Variants in SLC15A1 observed in about 807,000 individuals in gnomAD.
SLC15A1 encodes the protein Caco-2 oligopeptide transporter.
In SLC15A1, 83 loss-of-function variants were observed where a neutral mutation model predicts 92.9. The ratio of observed to expected loss-of-function variants is 0.89; its 90% CI spans 0.75 to 1.07. SLC15A1 has a LOEUF of 1.07. Ranked by LOEUF, SLC15A1 falls within the 50% of genes least tolerant of loss-of-function variation. The pLI is 0.00. For synonymous variants in SLC15A1, 322 were observed against 318.2 expected, an observed-to-expected ratio of 1.01 and a Z score of -0.13; for missense variants, 857 against 880.1, an observed-to-expected ratio of 0.97 and a Z score of 0.33.
intron 5 of SLC15A1, 105 bp downstream of exon 5, chr13:98,723,807 C>A: frequency 2.0e-6 from 3 of 1,514,398 alleles, no homozygotes; most frequent in Non-Finnish European, 2.7e-6. Context: ...GGAGGAAAAA[C>A]CTCCTTATGC....
In SLC15A1 at chr13:98,704,326, T is replaced by G; in HGVS notation, c.1379A>C (p.His460Pro). Residue 460 changes from histidine to proline, a missense_variant, in exon 17 of 23, where the codon CAC becomes CCC. Transcript: ENST00000376503. Reference sequence around the variant, plus strand: ...ATTGGGGGCCCACACTAGAAGCGTGTGGCGTTGGCCCTGCTTGAAGTCGTC... The same window carrying G: ...ATTGGGGGCCCACACTAGAAGCGTGGGGCGTTGGCCCTGCTTGAAGTCGTC... Reference protein sequence around the residue: ...VTDDFKQGQRHTLLVWAPNHY... With the variant: ...VTDDFKQGQRPTLLVWAPNHY... The G allele has an allele frequency of 6.2e-7, 1 of 1,613,624 alleles. No homozygotes were observed. Among genetic ancestry groups the G allele is most frequent in the Non-Finnish European group, 8.5e-7 (1 of 1,179,736 alleles).
chr13:98,709,784 G>A lies in SLC15A1; in HGVS notation c.946-10C>T, dbSNP rs760784284. The A allele has an allele frequency of 6.2e-7, 1 of 1,614,044 alleles. No homozygotes were observed. Among genetic ancestry groups the A allele is most frequent in the Non-Finnish European group, 8.5e-7 (1 of 1,180,026 alleles). On this transcript the variant is annotated splice_polypyrimidine_tract_variant and intron_variant, in intron 12 of 22. Transcript: ENST00000376503. ...GAATTTCAAGAGCTCCCTAAAAAGAGAGGAAAACAATCTCAGTGAAAAATG... is the reference window on the plus strand; with the variant it reads ...GAATTTCAAGAGCTCCCTAAAAAGAAAGGAAAACAATCTCAGTGAAAAATG...
chr13:98,684,807 A>G lies in SLC15A1; in HGVS notation c.2044T>C (p.Phe682Leu). Residue 682 changes from phenylalanine (F) to leucine (L), a missense_variant, in exon 23 of 23, where the codon TTT becomes CTT. By Grantham distance (22) the Phe-to-Leu change is conservative. Coordinates refer to ENST00000376503, the MANE Select transcript of SLC15A1 (RefSeq NM_005073.4). ...YINPAEIEAQ[F>L]DEDEKKNRLE... is the part of the protein sequence containing the mutation. ...CTGTTTTTCTTTTCATCCTCATCAA[A>G]TTGAGCTTCGATCTCCGCTGGGTTG... The G allele has an allele frequency of 1.2e-6, 2 of 1,614,086 alleles. No individual in the cohort carries two copies. Among genetic ancestry groups the G allele is most frequent in the South Asian group, 2.2e-5 (2 of 91,082 alleles).
At chr13:98,707,862 C>A (rs1260012422) in intron 15 of SLC15A1, among the ~76,000 whole-genome samples, 1 of 130,442 alleles carries the variant, frequency 7.7e-6, no homozygotes, top group Non-Finnish European at 1.5e-5. Context: ...TGCACTCCAG[C>A]AGCCTAGGCG....
At chr13:98,721,402 G>T in intron 7 of SLC15A1, 93 bp downstream of exon 7, 1 of 871,716 alleles carries the variant, frequency 1.1e-6, no homozygotes, top group Non-Finnish European at 1.9e-6. Context: ...CTAGAAAACA[G>T]GGCAGAAGGG....
Position 98,684,874 on chromosome 13 carries a change from G to C in SLC15A1, c.1977C>G (p.Val659=), listed in dbSNP as rs2087918430. The C allele has an allele frequency of 1.9e-6, 3 of 1,614,080 alleles. No individual in the cohort carries two copies. The East Asian group carries it at 6.7e-5, about 36-fold the overall frequency. ...GAGCCATGATGGCAAAAATTACACA[G>C]ACGACCAGAAGCAACGCGGCAAATA... ...YILFAALLLV[V]CVIFAIMARF... Residue 659 remains valine (V), a synonymous_variant, in exon 23 of 23, where the codon GTC becomes GTG. Transcript: ENST00000376503.
At chr13:98,715,323 C>T (rs555550507) in intron 9 of SLC15A1, among the ~76,000 whole-genome samples, 9 of 152,268 alleles carry the variant, frequency 5.9e-5, no homozygotes, top group East Asian at 3.9e-4. Context: ...TACAGGCACC[C>T]GCCACCATGC....
chr13:98,712,563 T>C lies in SLC15A1; in HGVS notation c.745A>G (p.Arg249Gly), dbSNP rs1238571750. 9.3e-6 allele frequency: 15 copies of C among 1,607,918 alleles called. No homozygotes were observed. Among genetic ancestry groups the C allele is most frequent in the Admixed American group, 1.7e-5 (1 of 58,766 alleles). ...TTGGGAAATGCCTTACTCCGATGCC[T>C]AAATCTATTTTTGATGGCAAACTGA... ...CIGFAIKNRF[R>G]HRSKAFPKRE... is the part of the protein sequence containing the mutation. Residue 249 changes from arginine (R) to glycine (G), a missense_variant, in exon 10 of 23, where the codon AGG (arginine) becomes GGG (glycine). Physicochemically the swap from Arg to Gly is moderately radical, Grantham distance 125. Transcript: ENST00000376503.
intron 11 of SLC15A1, 61 bp downstream of exon 11, chr13:98,711,793 C>T (rs1414261835): frequency 6.5e-6 from 8 of 1,223,236 alleles, no homozygotes; most frequent in Non-Finnish European, 9.6e-6. Context: ...GCCTTGGTAC[C>T]TGGCAGTGCG....
chr13:98,722,887 G>T (rs890150075), intron 5 of SLC15A1, among the ~76,000 whole-genome samples: 1 of 152,180 alleles, frequency 6.6e-6, no homozygotes, highest in African/African-American at 2.4e-5. Context: ...AATGAAAAAT[G>T]AAAAGCTAAT....
intron 18 of SLC15A1, among the ~76,000 whole-genome samples, chr13:98,700,793 C>A (rs1262559970): frequency 1.3e-5 from 2 of 152,166 alleles, no homozygotes; most frequent in African/African-American, 2.4e-5. Flanking sequence ...AATGTTTCAA[C>A]ACTGATTGTT....
chr13:98,709,965 T>G, intron 11 of SLC15A1, 54 bp from the exon 12 acceptor site: 1 of 1,570,346 alleles, frequency 6.4e-7, no homozygotes, highest in Non-Finnish European at 8.8e-7. Context: ...TTTTAAAATT[T>G]TACAAGTCAA....
At chr13:98,741,018 T>C (rs2088439374) in intron 1 of SLC15A1, among the ~76,000 whole-genome samples, 1 of 152,194 alleles carries the variant, frequency 6.6e-6, no homozygotes, top group African/African-American at 2.4e-5. Flanking sequence ...CTTTTTTTTC[T>C]TCTTGGATTT....
intron 15 of SLC15A1, among the ~76,000 whole-genome samples, chr13:98,707,896 A>ATTT (rs1566447957): frequency 7.5e-5 from 4 of 53,346 alleles, no homozygotes; most frequent in African/African-American, 1.7e-4. Flanking sequence ...CTGTTTAAAA[A>ATTT]AAAAAAAAAA....
intron 18 of SLC15A1, among the ~76,000 whole-genome samples, chr13:98,698,389 A>G (rs1430241942): frequency 5.3e-5 from 8 of 152,208 alleles, no homozygotes; most frequent in Non-Finnish European, 1.2e-4. Context: ...GATGAAAAGT[A>G]AAAGTCCATT....
At chr13:98,752,525 T>C in intron 1 of SLC15A1, 70 bp downstream of exon 1, 1 of 1,252,134 alleles carries the variant, frequency 8.0e-7, no homozygotes, top group South Asian at 2.8e-5. Flanking sequence ...CTCCCGGCCC[T>C]CGGTGCCGGC....
chr13:98,710,215 T>G (rs2088150295), intron 11 of SLC15A1, among the ~76,000 whole-genome samples: 1 of 152,200 alleles, frequency 6.6e-6, no homozygotes, highest in Admixed American at 6.5e-5. Context: ...TGAGGCTCGT[T>G]GGAAAGCATG....
intron 4 of SLC15A1, among the ~76,000 whole-genome samples, chr13:98,725,692 A>G (rs1048520337): frequency 1.3e-5 from 2 of 152,224 alleles, no homozygotes; most frequent in Admixed American, 1.3e-4. Context: ...GAGCAGAAAC[A>G]GCGCTGTAAA....
chr13:98,740,650 G>A (rs1331251), intron 1 of SLC15A1, among the ~76,000 whole-genome samples: 65,477 of 151,994 alleles, frequency 0.43, 15,210 homozygotes, highest in East Asian at 0.6. Context: ...TCAGAAAAAC[G>A]TCACAGAGCC....
Sources: allele counts gnomAD v4.1 joint callset (sites outside exome capture counted in the v4.1 genomes callset), GRCh38; gene constraint gnomAD v4.1.1; transcripts MANE v1.5; gene names NCBI Gene and HGNC (gene_info 2026-07-23, HGNC 2026-07-21).